CRYBG2: variants seen among roughly 807,000 people sequenced by gnomAD.
CRYBG2 encodes beta/gamma crystallin domain-containing protein 2.
Under a neutral mutation model 153.4 loss-of-function variants are expected in CRYBG2, and 106 were observed. That is an observed-to-expected ratio of 0.69 (90% CI 0.59 to 0.81). CRYBG2 has a LOEUF of 0.81. CRYBG2 is among the 30% of genes least tolerant of loss of function. The pLI, the probability that CRYBG2 is intolerant of heterozygous loss-of-function variation, is 0.00. For missense variants in CRYBG2, 1,996 were observed against 2,112.0 expected (o/e 0.95, Z 1.08); for synonymous variants, 851 against 877.8 (o/e 0.97, Z 0.54).
intron 1 of CRYBG2, among the ~76,000 whole-genome samples, chr1:26,347,922 C>T (rs1276859386): frequency 2.6e-5 from 4 of 152,196 alleles, no homozygotes; most frequent in Middle Eastern, 3.4e-3. Context: ...CACTACTGTG[C>T]CTGGCCTAAC....
intron 15 of CRYBG2, among the ~76,000 whole-genome samples, chr1:26,331,269 G>A (rs890532586): frequency 6.6e-6 from 1 of 152,314 alleles, no homozygotes; most frequent in East Asian, 1.9e-4. Context: ...GCAGGGCTGT[G>A]TCTGATTTCT....
In CRYBG2 at chr1:26,336,449, AC is replaced by A. The variant is rs1557709172; in HGVS notation, c.4039-80del. ...TCTTCTCTAGGTTTCAGTACCGTCC[AC>A]CCCGCGGCCGCGCCCTCGGCCCCGC... On this transcript the variant is annotated intron_variant, in intron 12 of 19. Transcript: ENST00000308182. The surrounding 1 kb of genome is among the most constrained non-coding windows in gnomAD (Gnocchi z 4.9). 3 of 1,568,560 alleles carry A rather than the reference AC, an allele frequency of 1.9e-6. No homozygotes were observed. The highest frequency in any genetic ancestry group is 1.7e-6 in the Non-Finnish European group (2 of 1,156,842).
rs770149182 is a variant in CRYBG2, at chr1:26,345,726, G to A, written c.932C>T (p.Ala311Val). The A allele has an allele frequency of 2.5e-6, 4 of 1,597,280 alleles. No homozygotes were observed. The highest frequency in any genetic ancestry group is 3.4e-6 in the Non-Finnish European group (4 of 1,179,090). Residue 311 changes from alanine to valine, a missense_variant, in exon 2 of 20, where the codon GCC (alanine) becomes GTC (valine). By Grantham distance (64) the Ala-to-Val change is moderately conservative. Transcript: ENST00000308182. ...HLPKNQDAPA[A>V]CPDRDQGRAP... ...TCTGCCCTGGTCTCTGTCCGGACAGGCTGCAGGGGCATCCTGATTCTTAGG... is the reference window on the plus strand; with the variant it reads ...TCTGCCCTGGTCTCTGTCCGGACAGACTGCAGGGGCATCCTGATTCTTAGG...
Position 26,344,580 on chromosome 1 carries a change from AGAGAT to A in CRYBG2, c.2073_2077del (p.Ser692HisfsTer10), listed in dbSNP as rs1424215066. 6.5e-7 allele frequency: 1 copy of A among 1,538,220 alleles called. No homozygotes were observed. Among genetic ancestry groups the A allele is most frequent in the South Asian group, 1.2e-5 (1 of 84,024 alleles). On this transcript the variant is annotated frameshift_variant, in exon 2 of 20. Coordinates refer to ENST00000308182, the MANE Select transcript of CRYBG2 (RefSeq NM_001039775.4). LOFTEE classifies it high-confidence loss of function. Reference sequence around the variant, plus strand: ...GTCCTGCACAACCTCTTTCTGGGTGAGAGATGAGATGGGGCTCCCTTCAGAGTCCT... The same window carrying A: ...GTCCTGCACAACCTCTTTCTGGGTGAGAGATGGGGCTCCCTTCAGAGTCCT...
At chr1:26,339,111 G>T (rs11247921) in intron 6 of CRYBG2, among the ~76,000 whole-genome samples, 179 bp downstream of exon 6, 2 of 152,016 alleles carry the variant, frequency 1.3e-5, no homozygotes, top group African/African-American at 4.8e-5. Context: ...TCATGGTATG[G>T]TGTTTTTCTG....
intron 9 of CRYBG2, 78 bp from the exon 10 acceptor site, chr1:26,337,457 C>T: frequency 1.2e-6 from 2 of 1,600,306 alleles, no homozygotes; most frequent in Non-Finnish European, 1.7e-6. Flanking sequence ...GTCCCCACCC[C>T]TACGCAGCCC....
chr1:26,351,161 G>T (rs1295497489), intron 1 of CRYBG2, among the ~76,000 whole-genome samples: 3 of 151,874 alleles, frequency 2.0e-5, no homozygotes, highest in Non-Finnish European at 4.4e-5. Context: ...GACACCAAAG[G>T]CTCTGGATTT....
chr1:26,341,197 C>T (rs980707668), intron 5 of CRYBG2, among the ~76,000 whole-genome samples: 2 of 151,530 alleles, frequency 1.3e-5, no homozygotes, highest in African/African-American at 2.4e-5. Flanking sequence ...AAAAATTAGC[C>T]GGGCATAGTG....
At position 26,344,317 on chromosome 1, in the gene CRYBG2, G is replaced by A. The variant is rs745656556; in HGVS notation, c.2341C>T (p.Arg781Cys). The change falls in exon 2 of 20, where the codon CGC becomes TGC. Residue 781 changes from arginine to cysteine, a missense_variant. Coordinates refer to ENST00000308182, the MANE Select transcript of CRYBG2 (RefSeq NM_001039775.4). ...GGGGCTCGTGGCAGCCGGTGAGTGCGGAGGATCTCAGGGGGCTCCATGCTC... is the reference window on the plus strand; with the variant it reads ...GGGGCTCGTGGCAGCCGGTGAGTGCAGAGGATCTCAGGGGGCTCCATGCTC... Reference protein sequence around the residue: ...LRSMEPPEILRTHRLPRAPRS... With the variant: ...LRSMEPPEILCTHRLPRAPRS... 1.3e-5 allele frequency: 19 copies of A among 1,506,988 alleles called. No homozygotes were observed. In the Admixed American group the frequency reaches 1.3e-4, roughly 10 times the overall value. 93.4% of individuals were successfully genotyped at this position (1,506,988 alleles called of 1,614,324 possible).
rs780036383 is a variant in CRYBG2 at position 26,345,477 on chromosome 1, TC to T, written c.1180del (p.Asp394ThrfsTer15). ...GGCAGCAGGGGGGTCCACGGGCCCG[TC>T]CTTTTTTTTAGGGGGCAGAACAAGG... Reference protein sequence around the residue: ...TPLVLPPKKKDGPVDPPAATV... With the variant: ...TPLVLPPKKKXGPVDPPAATV... On this transcript the variant is annotated frameshift_variant, in exon 2 of 20. Transcript: ENST00000308182. LOFTEE classifies it high-confidence loss of function. The T allele has an allele frequency of 1.8e-5, 28 of 1,591,496 alleles. No individual in the cohort carries two copies. Among genetic ancestry groups the T allele is most frequent in the Non-Finnish European group, 2.3e-5 (27 of 1,168,080 alleles).
chr1:26,331,641 G>A, intron 14 of CRYBG2, 23 bp from the exon 15 acceptor site: 1 of 1,611,914 alleles, frequency 6.2e-7, no homozygotes, highest in Non-Finnish European at 8.5e-7. Context: ...AAGAAATGGA[G>A]GGTATCTGAG....
Position 26,336,651 on chromosome 1 carries a change from CCA to C in CRYBG2, c.3991_3992del (p.Trp1331GlyfsTer45). 1 of 1,552,094 alleles carries C rather than the reference CCA, an allele frequency of 6.4e-7. No individual in the cohort carries two copies. Among genetic ancestry groups the C allele is most frequent in the Non-Finnish European group, 8.7e-7 (1 of 1,147,484 alleles). On this transcript the variant is annotated frameshift_variant, in exon 12 of 20. Transcript: ENST00000308182. LOFTEE classifies it high-confidence loss of function. This position sits in a 1 kb window ranked among gnomAD's most constrained non-coding sequence, Gnocchi z 4.9. ...EKGVYRNCED[W>X]GAGNSTLASL... ...AGGCGAGGGTGCTGTTGCCAGCGCC[CCA>C]GTCCTCGCAGTTACGATACACGCCC...
In CRYBG2 at chr1:26,322,164, C is replaced by A. The variant is rs760238802; in HGVS notation, c.4897G>T (p.Gly1633Ter). 2 of 1,613,100 alleles carry A rather than the reference C, an allele frequency of 1.2e-6. No individual in the cohort carries two copies. The highest frequency in any genetic ancestry group is 8.5e-7 in the Non-Finnish European group (1 of 1,179,266). ...CTCTTCCCCATACATCCCACCTTACCCTTCACGTCCAGGATCTGGCCTTCG... is the reference window on the plus strand; with the variant it reads ...CTCTTCCCCATACATCCCACCTTACACTTCACGTCCAGGATCTGGCCTTCG... The part of the protein sequence containing the change: ...MFEGQILDVK[G>*]GRGYDRDHVV... Residue 1633 changes from glycine to a stop codon, truncating the protein, a stop_gained and splice_region_variant, in exon 19 of 20, where the codon GGA (glycine) becomes TGA (stop). Coordinates refer to ENST00000308182, the MANE Select transcript of CRYBG2 (RefSeq NM_001039775.4). LOFTEE classifies it high-confidence loss of function.
intron 5 of CRYBG2, among the ~76,000 whole-genome samples, chr1:26,341,540 G>T (rs902870113): frequency 6.6e-6 from 1 of 152,000 alleles, no homozygotes; most frequent in Non-Finnish European, 1.5e-5. Flanking sequence ...AGGCTGGAGT[G>T]CAATGGCATG....
In CRYBG2 at chr1:26,344,926, T is replaced by C. The variant is rs1272505015; in HGVS notation, c.1732A>G (p.Thr578Ala). 9 of 1,535,402 alleles carry C rather than the reference T, an allele frequency of 5.9e-6. No individual in the cohort carries two copies. In the East Asian group the frequency reaches 2.2e-4, roughly 38 times the overall value. The stretch of plus-strand genomic sequence containing the variant: ...GGGCCCTTCACAACCTCTTTTGGGG[T>C]GGTGGACAAGGCAGCAGGAGCACCA... ...GSGAPAALSTTPKEVVKGPGA... is the reference protein window; with the variant it reads ...GSGAPAALSTAPKEVVKGPGA... The change falls in exon 2 of 20, where the codon ACC becomes GCC. Residue 578 changes from threonine to alanine, a missense_variant. Transcript: ENST00000308182.
chr1:26,344,925 G>T lies in CRYBG2; in HGVS notation c.1733C>A (p.Thr578Asn). The T allele has an allele frequency of 6.5e-7, 1 of 1,536,286 alleles. No individual in the cohort carries two copies. Among genetic ancestry groups the T allele is most frequent in the Non-Finnish European group, 8.7e-7 (1 of 1,148,214 alleles). ...GSGAPAALST[T>N]PKEVVKGPGA... ...AGGGCCCTTCACAACCTCTTTTGGG[G>T]TGGTGGACAAGGCAGCAGGAGCACC... The change falls in exon 2 of 20, where the codon ACC becomes AAC. Residue 578 changes from threonine (T) to asparagine (N), a missense_variant. Coordinates refer to ENST00000308182, the MANE Select transcript of CRYBG2 (RefSeq NM_001039775.4).
At chr1:26,326,182 G>A (rs1310670061) in intron 17 of CRYBG2, among the ~76,000 whole-genome samples, 3 of 151,838 alleles carry the variant, frequency 2.0e-5, no homozygotes, top group Non-Finnish European at 2.9e-5. Context: ...GTGAGCCACC[G>A]CACCCAGCCT....
At chr1:26,326,733 C>A in intron 17 of CRYBG2, 1 of 398,988 alleles carries the variant, frequency 2.5e-6, no homozygotes, top group Non-Finnish European at 5.2e-6. Flanking sequence ...TACGGTACAG[C>A]CTCTAACAAA....
In CRYBG2 at chr1:26,345,338, C is replaced by T. The variant is rs768439499; in HGVS notation, c.1320G>A (p.Ser440=). ...VPSPGGLSAP[S]SPRNKFVQNS... ...TCTGAACAAACTTATTCCTTGGGGA[C>T]GATGGAGCAGAAAGACCTCCTGGGC... The change falls in exon 2 of 20, where the codon TCG becomes TCA. Residue 440 remains serine (S), a synonymous_variant. Transcript: ENST00000308182. 5.0e-6 allele frequency: 8 copies of T among 1,613,346 alleles called. No homozygotes were observed. The highest frequency in any genetic ancestry group is 4.5e-5 in the East Asian group (2 of 44,898).
Sources: gnomAD v4.1 joint callset for allele counts (sites outside exome capture counted in the v4.1 genomes callset) on GRCh38, gnomAD v4.1.1 for gene constraint, Gnocchi (gnomAD v3.1) non-coding constraint, MANE v1.5 for transcripts, NCBI Gene and HGNC (gene_info 2026-07-23, HGNC 2026-07-21) for gene names.